CACNA2D3: variants seen among roughly 807,000 people sequenced by gnomAD.
The protein encoded by CACNA2D3 is voltage-dependent calcium channel subunit alpha-2/delta-3.
CACNA2D3 carries 60 observed loss-of-function variants against 160.6 expected under a neutral mutation model. The observed-to-expected ratio is 0.37, with a 90% CI of 0.30 to 0.46. The LOEUF (loss-of-function observed/expected upper bound fraction) is 0.46, where lower values mean the gene tolerates loss of function less well. Among genes scored for constraint, CACNA2D3 ranks in the 20% least tolerant of loss-of-function variants. CACNA2D3 has a pLI of 1.00. For synonymous variants in CACNA2D3, 558 were observed against 492.9 expected, an observed-to-expected ratio of 1.13 and a Z score of -1.75; for missense variants, 1,205 against 1,365.0, an observed-to-expected ratio of 0.88 and a Z score of 1.85.
At position 54,245,650 on chromosome 3, in the gene CACNA2D3, G is replaced by C. The variant is rs189208031; in HGVS notation, c.205-74792G>C. ...GCAGTTGTTGCCTGGTATAATGCAG[G>C]GCTTGAGAAACAGAGCATCTATTCA... On this transcript the variant is annotated intron_variant, in intron 2 of 37. Coordinates refer to ENST00000474759, the MANE Select transcript of CACNA2D3 (RefSeq NM_018398.3). 5.2e-3 allele frequency among the ~76,000 whole-genome samples: 790 copies of C among 152,182 alleles called. 7 individuals are homozygous for C. The highest frequency in any genetic ancestry group is 8.5e-3 in the Non-Finnish European group (575 of 68,016).
chr3:54,587,558 A>C (rs1702783614), intron 9 of CACNA2D3, among the ~76,000 whole-genome samples: 1 of 152,196 alleles, frequency 6.6e-6, no homozygotes, highest in African/African-American at 2.4e-5. Context: ...TCTGTCTCAA[A>C]AAAACAAGTT....
At chr3:54,379,857 A>T (rs1699070527) in intron 3 of CACNA2D3, among the ~76,000 whole-genome samples, 1 of 152,122 alleles carries the variant, frequency 6.6e-6, no homozygotes, top group Non-Finnish European at 1.5e-5. Flanking sequence ...CTTCTCATTG[A>T]AATAGCTATT....
intron 2 of CACNA2D3, among the ~76,000 whole-genome samples, chr3:54,145,334 G>A (rs924563281): frequency 1.3e-5 from 2 of 152,210 alleles, no homozygotes; most frequent in African/African-American, 4.8e-5. Flanking sequence ...GGACCAGGGT[G>A]TTTTGATAAT....
intron 9 of CACNA2D3, among the ~76,000 whole-genome samples, chr3:54,610,635 C>A (rs1312929997): frequency 1.3e-4 from 19 of 148,878 alleles, no homozygotes; most frequent in Admixed American, 1.3e-3. Context: ...CTTTTTTTTT[C>A]TTTTTGAGAT....
chr3:54,939,039 T>C (rs1458559306), intron 27 of CACNA2D3, among the ~76,000 whole-genome samples: 1 of 152,192 alleles, frequency 6.6e-6, no homozygotes, highest in Non-Finnish European at 1.5e-5. Context: ...ATGCTACCTC[T>C]CCATTTGGGA....
chr3:54,552,243 C>G (rs1271337794), intron 5 of CACNA2D3, among the ~76,000 whole-genome samples: 2 of 152,172 alleles, frequency 1.3e-5, no homozygotes, highest in African/African-American at 4.8e-5. Context: ...CTATCTTCAT[C>G]CATCCTGCCC....
intron 27 of CACNA2D3, among the ~76,000 whole-genome samples, chr3:54,949,809 G>C (rs1217143164): frequency 2.0e-5 from 3 of 152,040 alleles, no homozygotes; most frequent in Non-Finnish European, 4.4e-5. Flanking sequence ...GACTTTTTTT[G>C]CCTGTGATTC....
At chr3:55,011,961 C>A (rs891213239) in intron 34 of CACNA2D3, among the ~76,000 whole-genome samples, 4 of 152,024 alleles carry the variant, frequency 2.6e-5, no homozygotes, top group Non-Finnish European at 4.4e-5. Context: ...TCAATAGAGC[C>A]CAGGAAAATG....
chr3:54,764,687 C>G (rs1702185046), intron 13 of CACNA2D3, among the ~76,000 whole-genome samples: 1 of 152,182 alleles, frequency 6.6e-6, no homozygotes, highest in Non-Finnish European at 1.5e-5. Flanking sequence ...TCTGTCCTCA[C>G]CATATATGAG....
chr3:54,948,644 A>G, intron 27 of CACNA2D3, among the ~76,000 whole-genome samples: 1 of 152,222 alleles, frequency 6.6e-6, no homozygotes, highest in East Asian at 1.9e-4. Context: ...GTTTCATGAG[A>G]GACACTTGAC....
chr3:54,435,450 T>A (rs1700045967), intron 4 of CACNA2D3, among the ~76,000 whole-genome samples: 1 of 152,030 alleles, frequency 6.6e-6, no homozygotes, highest in African/African-American at 2.4e-5. Context: ...TGGGAAGATG[T>A]CAGCAGGGCT....
chr3:54,265,968 T>G (rs1702508779), intron 2 of CACNA2D3, among the ~76,000 whole-genome samples: 1 of 152,144 alleles, frequency 6.6e-6, no homozygotes, highest in South Asian at 2.1e-4. Context: ...CTCAAAAGCC[T>G]TCTTAGGTAT....
chr3:54,192,188 T>G (rs941023991), intron 2 of CACNA2D3, among the ~76,000 whole-genome samples: 5 of 151,870 alleles, frequency 3.3e-5, no homozygotes, highest in African/African-American at 1.2e-4. Context: ...ATCCTCCCAC[T>G]TCCAGAAAGT....
intron 11 of CACNA2D3, among the ~76,000 whole-genome samples, chr3:54,669,121 A>G (rs917721322): frequency 6.6e-6 from 1 of 152,232 alleles, no homozygotes; most frequent in Non-Finnish European, 1.5e-5. Flanking sequence ...AGTCAGGGCT[A>G]GCTTCATGAG....
intron 11 of CACNA2D3, among the ~76,000 whole-genome samples, chr3:54,662,872 C>T (rs771485802): frequency 7.9e-5 from 12 of 152,286 alleles, no homozygotes; most frequent in Admixed American, 3.3e-4. Context: ...AGTTTGATGA[C>T]CAACTTAGGC....
chr3:54,506,991 A>T (rs757210444), intron 5 of CACNA2D3, among the ~76,000 whole-genome samples: 7 of 150,116 alleles, frequency 4.7e-5, no homozygotes, highest in Non-Finnish European at 1.0e-4. Context: ...ATATACACAC[A>T]TATATATATA....
chr3:54,472,645 T>G (rs1700754356), intron 4 of CACNA2D3, among the ~76,000 whole-genome samples: 1 of 152,198 alleles, frequency 6.6e-6, no homozygotes, highest in African/African-American at 2.4e-5. Flanking sequence ...CCCCATCATC[T>G]CAGCCCAAAA....
At chr3:54,242,910 A>T (rs1701999630) in intron 2 of CACNA2D3, among the ~76,000 whole-genome samples, 1 of 152,220 alleles carries the variant, frequency 6.6e-6, no homozygotes, top group South Asian at 2.1e-4. Context: ...ATTGCTGCTC[A>T]GGCAAGCAGG....
chr3:54,964,758 T>C (rs1403046439), intron 27 of CACNA2D3, among the ~76,000 whole-genome samples: 2 of 152,166 alleles, frequency 1.3e-5, no homozygotes, highest in Non-Finnish European at 2.9e-5. Context: ...GAGTTGGCCA[T>C]AGGATTCCCT....
Sources: allele counts gnomAD v4.1 joint callset (sites outside exome capture counted in the v4.1 genomes callset), GRCh38; gene constraint gnomAD v4.1.1; transcripts MANE v1.5; gene names NCBI Gene and HGNC (gene_info 2026-07-23, HGNC 2026-07-21).